The following GRID2 variants were observed in gnomAD, a reference collection of about 807,000 sequenced individuals.
GRID2 encodes the protein glutamate ionotropic receptor delta type subunit 2.
GRID2 carries 33 observed loss-of-function variants against 114.8 expected under a neutral mutation model. The observed-to-expected ratio is 0.29, with a 90% CI of 0.22 to 0.38. The LOEUF is 0.38. GRID2 is among the 10% of genes least tolerant of loss of function. The probability of loss-of-function intolerance (pLI) is 1.00; values close to 1 mark genes in which losing one functional copy is unlikely to be tolerated. For missense variants in GRID2, 1,184 were observed against 1,257.7 expected, an observed-to-expected ratio of 0.94 and a Z score of 0.89; for synonymous variants, 505 against 449.9, an observed-to-expected ratio of 1.12 and a Z score of -1.55.
intron 1 of GRID2, among the ~76,000 whole-genome samples, chr4:92,494,271 G>A (rs75218651): frequency 0.064 from 9,671 of 151,716 alleles, 401 homozygotes; most frequent in African/African-American, 0.12. Flanking sequence ...AAATTTAATG[G>A]ATTCTCCTTT....
intron 11 of GRID2, among the ~76,000 whole-genome samples, chr4:93,469,373 C>A (rs1724587815): frequency 6.6e-6 from 1 of 151,878 alleles, no homozygotes; most frequent in Non-Finnish European, 1.5e-5. Flanking sequence ...CTAATAATGC[C>A]TTTCAGAGTA....
intron 4 of GRID2, among the ~76,000 whole-genome samples, chr4:93,145,079 G>GT (rs1480397550): frequency 6.6e-6 from 1 of 152,082 alleles, no homozygotes; most frequent in African/African-American, 2.4e-5. Context: ...TTTTATTTTA[G>GT]TTTTTACCTG....
chr4:92,620,932 TAAAGTA>T (rs1359062945), intron 2 of GRID2, among the ~76,000 whole-genome samples: 2 of 135,704 alleles, frequency 1.5e-5, no homozygotes, highest in Non-Finnish European at 3.2e-5. Context: ...CCCTAAAACT[TAAAGTA>T]TAATAATAAT....
chr4:93,149,621 GA>G (rs1736565103), intron 4 of GRID2, among the ~76,000 whole-genome samples: 1 of 150,928 alleles, frequency 6.6e-6, no homozygotes, highest in South Asian at 2.1e-4. Flanking sequence ...TTAGCTTCAA[GA>G]AAAGCTTTTA....
chr4:92,651,280 G>C (rs961771862), intron 2 of GRID2, among the ~76,000 whole-genome samples: 1 of 152,032 alleles, frequency 6.6e-6, no homozygotes, highest in Non-Finnish European at 1.5e-5. Flanking sequence ...CTGGGGAATG[G>C]TGCCACATCA....
chr4:92,503,949 A>G (rs149980752), intron 1 of GRID2, among the ~76,000 whole-genome samples: 2 of 152,234 alleles, frequency 1.3e-5, no homozygotes, highest in African/African-American at 4.8e-5. Flanking sequence ...CAAAATAATA[A>G]CAGTTAGATT....
chr4:92,740,982 G>C (rs956460019), intron 2 of GRID2, among the ~76,000 whole-genome samples: 1 of 152,046 alleles, frequency 6.6e-6, no homozygotes, highest in Non-Finnish European at 1.5e-5. Flanking sequence ...TTGAACTTCT[G>C]ACCTCAGGTG....
chr4:93,572,295 T>C (rs1735996896), intron 13 of GRID2, among the ~76,000 whole-genome samples: 1 of 152,148 alleles, frequency 6.6e-6, no homozygotes, highest in Non-Finnish European at 1.5e-5. Flanking sequence ...TGAGAAGCAT[T>C]TCATTTAGCC....
chr4:93,753,033 T>G (rs1385221798), intron 14 of GRID2, among the ~76,000 whole-genome samples: 1 of 152,130 alleles, frequency 6.6e-6, no homozygotes, highest in Non-Finnish European at 1.5e-5. Context: ...AAATAAATAG[T>G]TATCACTGAT....
At chr4:93,101,056 A>G (rs1731651046) in intron 3 of GRID2, among the ~76,000 whole-genome samples, 1 of 152,058 alleles carries the variant, frequency 6.6e-6, no homozygotes. Context: ...TTTGCTCAAC[A>G]TTCTCTTCCA....
chr4:92,774,038 TTATAAA>T (rs1446354994), intron 2 of GRID2, among the ~76,000 whole-genome samples: 1 of 152,104 alleles, frequency 6.6e-6, no homozygotes, highest in Non-Finnish European at 1.5e-5. Flanking sequence ...ATAATAAAAG[TTATAAA>T]TATAACTAAA....
chr4:92,522,288 G>A (rs1405360038), intron 1 of GRID2, among the ~76,000 whole-genome samples: 3 of 151,818 alleles, frequency 2.0e-5, no homozygotes, highest in Non-Finnish European at 2.9e-5. Flanking sequence ...AAGGAGGCAG[G>A]GGTCACTCCA....
intron 2 of GRID2, among the ~76,000 whole-genome samples, chr4:93,064,557 T>C (rs1225791770): frequency 1.3e-5 from 2 of 151,850 alleles, no homozygotes; most frequent in African/African-American, 4.8e-5. Flanking sequence ...TTCTCCTTAA[T>C]AGGCAAGCAC....
At chr4:92,365,791 A>G (rs983459130) in intron 1 of GRID2, among the ~76,000 whole-genome samples, 2 of 152,164 alleles carry the variant, frequency 1.3e-5, no homozygotes, top group Non-Finnish European at 2.9e-5. Context: ...ATATTAACCA[A>G]AAATAAATAA....
intron 8 of GRID2, among the ~76,000 whole-genome samples, chr4:93,270,975 C>G (rs1476413902): frequency 6.6e-6 from 1 of 152,084 alleles, no homozygotes; most frequent in African/African-American, 2.4e-5. Context: ...AGTGTAGTGA[C>G]TGATTTTTTC....
Position 93,017,539 on chromosome 4 carries a change from C to T in GRID2, c.245-67456C>T, listed in dbSNP as rs142090894. Among the ~76,000 whole-genome samples the T allele has an allele frequency of 4.9e-3, 740 of 152,006 alleles. 7 individuals carry two copies. The highest frequency in any genetic ancestry group is 0.017 in the African/African-American group (698 of 41,508). ...TGAGTTCTATATATATATGGCCACGCGCAGTGGCTCACACCTATAACCCCA... is the reference window on the plus strand; with the variant it reads ...TGAGTTCTATATATATATGGCCACGTGCAGTGGCTCACACCTATAACCCCA... On this transcript the variant is annotated intron_variant, in intron 2 of 15. Transcript: ENST00000282020.
chr4:92,774,129 C>T (rs535599038), intron 2 of GRID2, among the ~76,000 whole-genome samples: 2 of 152,010 alleles, frequency 1.3e-5, no homozygotes, highest in Non-Finnish European at 2.9e-5. Context: ...GGATCCAGCC[C>T]AGCCAAGGCA....
chr4:93,374,915 T>C (rs974430857), intron 8 of GRID2, among the ~76,000 whole-genome samples: 3 of 152,302 alleles, frequency 2.0e-5, no homozygotes, highest in African/African-American at 7.2e-5. Context: ...TCGACCTGTC[T>C]CTGCTTCTTT....
chr4:93,399,158 C>T (rs1012030526), intron 9 of GRID2, among the ~76,000 whole-genome samples: 2 of 152,008 alleles, frequency 1.3e-5, no homozygotes, highest in African/African-American at 4.8e-5. Flanking sequence ...TTACGTCCAA[C>T]ACTTTCCAGA....
Sources: gnomAD v4.1 joint callset for allele counts (sites outside exome capture counted in the v4.1 genomes callset) on GRCh38, gnomAD v4.1.1 for gene constraint, MANE v1.5 for transcripts, NCBI Gene and HGNC (gene_info 2026-07-23, HGNC 2026-07-21) for gene names.